The following METAP1D variants were observed in gnomAD, a reference collection of about 807,000 sequenced individuals.
METAP1D encodes the protein methionine aminopeptidase 1D, mitochondrial.
Under a neutral mutation model 40.5 loss-of-function variants are expected in METAP1D, and 31 were observed. The ratio of observed to expected loss-of-function variants is 0.77; its 90% CI spans 0.58 to 1.03. The LOEUF (loss-of-function observed/expected upper bound fraction) is 1.03. Ranked by LOEUF, METAP1D falls within the 50% of genes least tolerant of loss-of-function variation. The pLI, the probability that METAP1D is intolerant of heterozygous loss-of-function variation, is 0.00. For missense variants in METAP1D, 411 were observed against 420.7 expected (o/e 0.98, Z 0.20); for synonymous variants, 151 against 146.4 (o/e 1.03, Z -0.22).
At chr2:172,033,095 A>T (rs1003862489) in intron 1 of METAP1D, among the ~76,000 whole-genome samples, 8 of 151,896 alleles carry the variant, frequency 5.3e-5, no homozygotes, top group Non-Finnish European at 2.9e-5. Flanking sequence ...AAAATAAAAA[A>T]ATCAAACTTG....
chr2:172,079,302 G>T, intron 8 of METAP1D, 40 bp downstream of exon 8: 1 of 1,608,446 alleles, frequency 6.2e-7, no homozygotes, highest in Non-Finnish European at 8.5e-7. Flanking sequence ...CGTAGCTCCT[G>T]GTGGAAGCTT....
chr2:172,067,588 A>G (rs1309208437), intron 5 of METAP1D, among the ~76,000 whole-genome samples: 1 of 152,146 alleles, frequency 6.6e-6, no homozygotes, highest in African/African-American at 2.4e-5. Flanking sequence ...TTTATTTTGG[A>G]TTGTACCTGA....
intron 1 of METAP1D, among the ~76,000 whole-genome samples, chr2:172,036,526 C>T (rs1366663155): frequency 1.3e-5 from 2 of 151,154 alleles, no homozygotes; most frequent in Admixed American, 6.6e-5. Context: ...CCACCACGCC[C>T]GGCTAATTTT....
At chr2:172,005,520 T>TTTTTTATA (rs1267182910) in intron 1 of METAP1D, among the ~76,000 whole-genome samples, 1,710 of 110,934 alleles carry the variant, frequency 0.015, 26 homozygotes, top group Non-Finnish European at 0.024. Flanking sequence ...TGTCTGTATT[T>TTTTTTATA]TATATATATA....
At chr2:172,020,536 G>A (rs1267584242) in intron 1 of METAP1D, among the ~76,000 whole-genome samples, 1 of 152,188 alleles carries the variant, frequency 6.6e-6, no homozygotes, top group African/African-American at 2.4e-5. Context: ...TTTGCACAAT[G>A]TGTCCAATTT....
chr2:172,076,693 A>G (rs1447957157), intron 6 of METAP1D, among the ~76,000 whole-genome samples: 1 of 152,270 alleles, frequency 6.6e-6, no homozygotes, highest in Non-Finnish European at 1.5e-5. Flanking sequence ...AAAATGTATA[A>G]ACATGAATGG....
intron 1 of METAP1D, among the ~76,000 whole-genome samples, chr2:172,061,181 C>T (rs1176739930): frequency 6.6e-6 from 1 of 152,176 alleles, no homozygotes; most frequent in African/African-American, 2.4e-5. Flanking sequence ...GACATTGCCA[C>T]ATAAGGTATT....
intron 1 of METAP1D, among the ~76,000 whole-genome samples, chr2:172,049,364 T>C (rs1042330062): frequency 1.1e-4 from 16 of 149,882 alleles, no homozygotes; most frequent in African/African-American, 3.9e-4. Context: ...AATAAATGTT[T>C]ATTTATATTT....
Position 172,078,535 on chromosome 2 carries a change from C to T in METAP1D, c.802+641C>T, listed in dbSNP as rs530511409. ...GGCAGGTCCACACCTGGACGGGGAT[C>T]AAAGGAAAGTTGGTCCTGGGGCCTT... On this transcript the variant is annotated intron_variant, in intron 7 of 9. Transcript: ENST00000315796. Among the ~76,000 whole-genome samples, 3 of 152,264 alleles carry T rather than the reference C, an allele frequency of 2.0e-5. No homozygotes were observed. In the South Asian group the frequency reaches 6.2e-4, roughly 32 times the overall value.
intron 2 of METAP1D, among the ~76,000 whole-genome samples, chr2:172,062,559 T>C (rs560708648): frequency 2.8e-4 from 42 of 152,350 alleles, no homozygotes; most frequent in Non-Finnish European, 4.4e-4. Flanking sequence ...ACAGCCCTTC[T>C]GCCTGCAAGT....
chr2:172,012,119 C>CT (rs1431450537), intron 1 of METAP1D, among the ~76,000 whole-genome samples: 1 of 152,238 alleles, frequency 6.6e-6, no homozygotes, highest in Admixed American at 6.5e-5. Context: ...CACCCTGTCT[C>CT]TGTCAGTAAG....
chr2:172,033,204 G>T (rs1408218704), intron 1 of METAP1D, among the ~76,000 whole-genome samples: 1 of 151,754 alleles, frequency 6.6e-6, no homozygotes, highest in Non-Finnish European at 1.5e-5. Flanking sequence ...GTAAGTTACA[G>T]AATGTGAGAA....
At chr2:172,019,230 T>C (rs1364353392) in intron 1 of METAP1D, among the ~76,000 whole-genome samples, 1 of 152,092 alleles carries the variant, frequency 6.6e-6, no homozygotes, top group African/African-American at 2.4e-5. Context: ...TGGATGTCTG[T>C]AGTCCTATCT....
In METAP1D at chr2:172,080,547, G is replaced by T; in HGVS notation, c.*141G>T. 1.2e-6 allele frequency: 1 copy of T among 840,956 alleles called. No homozygotes were observed. Among genetic ancestry groups the T allele is most frequent in the South Asian group, 1.6e-5 (1 of 63,372 alleles). The allele number at this position is 840,956 out of a possible 1,614,324, so 52.1% of individuals were successfully genotyped here. On this transcript the variant is annotated 3_prime_UTR_variant, in exon 10 of 10. Transcript: ENST00000315796. ...CTCCTGATAGCGTTTGGAAGAACGCGGGGGAGACTGAAGAGCAACTGGGAA... is the reference window on the plus strand; with the variant it reads ...CTCCTGATAGCGTTTGGAAGAACGCTGGGGAGACTGAAGAGCAACTGGGAA...
intron 1 of METAP1D, among the ~76,000 whole-genome samples, chr2:172,019,215 G>A (rs1688949713): frequency 2.0e-5 from 3 of 152,082 alleles, no homozygotes; most frequent in African/African-American, 7.2e-5. Context: ...AGCTGGGTGT[G>A]GTGATGGATG....
chr2:172,063,958 A>T (rs1240658857), intron 3 of METAP1D, 98 bp downstream of exon 3: 1 of 1,311,822 alleles, frequency 7.6e-7, no homozygotes, highest in Non-Finnish European at 9.8e-7. Context: ...TTGACATCTA[A>T]TTTGTTTTAA....
At chr2:172,008,014 G>A (rs1003545002) in intron 1 of METAP1D, among the ~76,000 whole-genome samples, 1 of 144,668 alleles carries the variant, frequency 6.9e-6, no homozygotes, top group Admixed American at 7.0e-5. Flanking sequence ...TAATCTATAA[G>A]TTTACTTTCC....
At chr2:172,006,094 C>A (rs143945443) in intron 1 of METAP1D, among the ~76,000 whole-genome samples, 2,759 of 151,850 alleles carry the variant, frequency 0.018, 52 homozygotes, top group Admixed American at 0.068. Context: ...AATAAAATAT[C>A]AATATTTCTG....
At chr2:172,016,094 CAA>C (rs769072690) in intron 1 of METAP1D, among the ~76,000 whole-genome samples, 1 of 104,608 alleles carries the variant, frequency 9.6e-6, no homozygotes. Context: ...CCGTCTCTAT[CAA>C]AAAAAAAAAA....
Sources: allele counts gnomAD v4.1 joint callset (sites outside exome capture counted in the v4.1 genomes callset), GRCh38; gene constraint gnomAD v4.1.1; transcripts MANE v1.5; gene names NCBI Gene and HGNC (gene_info 2026-07-23, HGNC 2026-07-21).